Variants in PRKD1 observed in about 807,000 individuals in gnomAD.
PRKD1 encodes the protein protein kinase D1.
Under a neutral mutation model 95.9 loss-of-function variants are expected in PRKD1, and 63 were observed. The observed-to-expected ratio is 0.66, with a 90% CI of 0.54 to 0.81. The LOEUF (loss-of-function observed/expected upper bound fraction) is 0.81, where lower values mean the gene tolerates loss of function less well. Among genes scored for constraint, PRKD1 ranks in the 30% least tolerant of loss-of-function variants. The probability of loss-of-function intolerance (pLI) is 0.00; values close to 1 mark genes in which losing one functional copy is unlikely to be tolerated. For missense variants in PRKD1, 1,048 were observed against 1,165.3 expected (o/e 0.90, Z 1.47); for synonymous variants, 425 against 423.1 (o/e 1.00, Z -0.05).
At chr14:29,644,521 T>C (rs1382908336) in intron 4 of PRKD1, among the ~76,000 whole-genome samples, 1 of 152,118 alleles carries the variant, frequency 6.6e-6, no homozygotes, top group Non-Finnish European at 1.5e-5. Flanking sequence ...ATGGATCTTT[T>C]AGTTTTTCAA....
At chr14:29,667,659 GA>G (rs1214613180) in intron 2 of PRKD1, among the ~76,000 whole-genome samples, 1 of 152,066 alleles carries the variant, frequency 6.6e-6, no homozygotes. Context: ...AAATATCAAA[GA>G]AAATAATTAA....
At chr14:29,659,531 G>C (rs1953718) in intron 4 of PRKD1, among the ~76,000 whole-genome samples, 13 of 152,100 alleles carry the variant, frequency 8.5e-5, no homozygotes, top group South Asian at 2.1e-4. Flanking sequence ...TTAGCTTTAC[G>C]AGATAACTGC....
intron 13 of PRKD1, 83 bp downstream of exon 13, chr14:29,624,069 T>C: frequency 3.0e-6 from 3 of 988,930 alleles, no homozygotes; most frequent in Non-Finnish European, 4.5e-6. Context: ...GCCACAGGTT[T>C]TTAGAGAAAA....
intron 1 of PRKD1, among the ~76,000 whole-genome samples, chr14:29,900,328 C>A (rs1369057522): frequency 6.6e-6 from 1 of 152,184 alleles, no homozygotes; most frequent in Non-Finnish European, 1.5e-5. Context: ...TCCTCCTAAC[C>A]ATTCCCTTAT....
At chr14:29,922,483 ATAGT>A (rs1293100901) in intron 1 of PRKD1, among the ~76,000 whole-genome samples, 1 of 152,224 alleles carries the variant, frequency 6.6e-6, no homozygotes, top group African/African-American at 2.4e-5. Flanking sequence ...TATTTAAAAA[ATAGT>A]TAAACATAAT....
chr14:29,630,750 T>C lies in PRKD1; in HGVS notation c.1664A>G (p.Asn555Ser), dbSNP rs1235962494. 6 of 1,613,966 alleles carry C rather than the reference T, an allele frequency of 3.7e-6. No individual in the cohort carries two copies. The highest frequency in any genetic ancestry group is 5.1e-6 in the Non-Finnish European group (6 of 1,179,990). ...PKGSSVGTGT[N>S]LHRDISVSIS... ...AAAACTGGCAGACTCACTGTGCAAG[T>C]TGGTTCCTGTACCCACGGAGGAGCC... The change falls in exon 10 of 18, where the codon AAC (asparagine) becomes AGC (serine). Residue 555 changes from asparagine (N) to serine (S), a missense_variant. By Grantham distance (46) the Asn-to-Ser change is conservative. This residue lies in a region of PRKD1 where 739 missense variants were observed against 861.9 expected (regional missense o/e 0.86). Coordinates refer to ENST00000331968, the MANE Select transcript of PRKD1 (RefSeq NM_002742.3).
chr14:29,927,188 G>T, intron 1 of PRKD1, 61 bp downstream of exon 1: 1 of 1,407,560 alleles, frequency 7.1e-7, no homozygotes, highest in South Asian at 1.5e-5. Flanking sequence ...GAGAGGGCCA[G>T]CCGGGCAGCG....
At chr14:29,829,737 T>TA (rs1891331419) in intron 1 of PRKD1, among the ~76,000 whole-genome samples, 1 of 152,212 alleles carries the variant, frequency 6.6e-6, no homozygotes, top group Non-Finnish European at 1.5e-5. Context: ...CCTAACATTA[T>TA]ACACACTTTG....
intron 1 of PRKD1, among the ~76,000 whole-genome samples, chr14:29,769,419 A>G (rs1399884767): frequency 6.6e-6 from 1 of 152,130 alleles, no homozygotes; most frequent in African/African-American, 2.4e-5. Context: ...AAATTAAAAA[A>G]TTAGCCAGGT....
At chr14:29,778,432 A>G (rs952427657) in intron 1 of PRKD1, among the ~76,000 whole-genome samples, 4 of 152,184 alleles carry the variant, frequency 2.6e-5, no homozygotes, top group Non-Finnish European at 5.9e-5. Flanking sequence ...TCAAATAGAC[A>G]CAATAAAAAA....
At chr14:29,594,407 C>T (rs1178317662) in intron 16 of PRKD1, among the ~76,000 whole-genome samples, 1 of 152,130 alleles carries the variant, frequency 6.6e-6, no homozygotes, top group African/African-American at 2.4e-5. Flanking sequence ...TGCTGTCCTC[C>T]TTCTGATGCA....
At chr14:29,743,554 A>T (rs1164696112) in intron 1 of PRKD1, among the ~76,000 whole-genome samples, 1 of 152,204 alleles carries the variant, frequency 6.6e-6, no homozygotes, top group Non-Finnish European at 1.5e-5. Context: ...GAAACAGAAC[A>T]TCTTGCCTCA....
chr14:29,743,994 G>T (rs997803698), intron 1 of PRKD1, among the ~76,000 whole-genome samples: 3 of 152,142 alleles, frequency 2.0e-5, no homozygotes, highest in Non-Finnish European at 2.9e-5. Context: ...GTGCTGGAGT[G>T]TTCAGGACTC....
chr14:29,888,875 G>A (rs1034589012), intron 1 of PRKD1, among the ~76,000 whole-genome samples: 1 of 152,152 alleles, frequency 6.6e-6, no homozygotes, highest in African/African-American at 2.4e-5. Context: ...TCACAGAAAA[G>A]CATAAGACTT....
In PRKD1 at chr14:29,748,734, T is replaced by C. The variant is rs141371003; in HGVS notation, c.265-23060A>G. On this transcript the variant is annotated intron_variant, in intron 1 of 17. Transcript: ENST00000331968. ...TAGGTATTCAGTAAATATTTGACAA[T>C]TGAATAAATATAGCCATCAATAGAA... 3.9e-5 allele frequency among the ~76,000 whole-genome samples: 6 copies of C among 152,280 alleles called. No individual in the cohort carries two copies. The East Asian group carries it at 1.2e-3, about 29-fold the overall frequency.
chr14:29,638,322 T>C (rs1388749783), intron 6 of PRKD1, 167 bp downstream of exon 6: 5 of 654,564 alleles, frequency 7.6e-6, no homozygotes, highest in Non-Finnish European at 1.3e-5. Flanking sequence ...CAAAACTCCA[T>C]GGATGCTTTT....
intron 1 of PRKD1, among the ~76,000 whole-genome samples, chr14:29,826,265 TAC>T (rs1239561293): frequency 1.7e-4 from 1 of 5,782 alleles, no homozygotes; most frequent in Non-Finnish European, 3.3e-4. Flanking sequence ...AATATATATA[TAC>T]ATATATATGA....
chr14:29,898,292 T>C (rs1894201920), intron 1 of PRKD1, among the ~76,000 whole-genome samples: 1 of 152,072 alleles, frequency 6.6e-6, no homozygotes, highest in Non-Finnish European at 1.5e-5. Context: ...AGCAAAAGAG[T>C]ATACTTTTTA....
chr14:29,652,480 G>GT (rs1369162131), intron 4 of PRKD1, among the ~76,000 whole-genome samples: 3 of 152,160 alleles, frequency 2.0e-5, no homozygotes, highest in Non-Finnish European at 4.4e-5. Context: ...TCAGATAACA[G>GT]TAACTCAAAG....
Sources: gnomAD v4.1 joint callset for allele counts (sites outside exome capture counted in the v4.1 genomes callset) on GRCh38, gnomAD v4.1.1 for gene constraint, gnomAD v4.1.1 regional missense constraint, MANE v1.5 for transcripts, NCBI Gene and HGNC (gene_info 2026-07-23, HGNC 2026-07-21) for gene names.